The following ATP2B2 variants were observed in gnomAD, a reference collection of about 807,000 sequenced individuals.
The protein encoded by ATP2B2 is plasma membrane calcium-transporting ATPase 2.
In ATP2B2, 15 loss-of-function variants were observed where a neutral mutation model predicts 120.0. That is an observed-to-expected ratio of 0.12 (90% CI 0.08 to 0.19). ATP2B2 has a LOEUF of 0.19. Among genes scored for constraint, ATP2B2 ranks in the 10% least tolerant of loss-of-function variants. The probability of loss-of-function intolerance (pLI) is 1.00; values close to 1 mark genes in which losing one functional copy is unlikely to be tolerated. For synonymous variants in ATP2B2, 694 were observed against 700.3 expected (o/e 0.99, Z 0.14); for missense variants, 1,045 against 1,719.8 (o/e 0.61, Z 6.94).
chr3:10,466,894 G>A (rs1314547509), intron 1 of ATP2B2, among the ~76,000 whole-genome samples: 30 of 152,248 alleles, frequency 2.0e-4, no homozygotes, highest in Admixed American at 2.0e-3. Context: ...GGGTGACCGT[G>A]CAGCTCACAA....
At chr3:10,411,594 GCGGATGGTGATTGTA>G (rs2062613695) in intron 2 of ATP2B2, among the ~76,000 whole-genome samples, 1 of 152,186 alleles carries the variant, frequency 6.6e-6, no homozygotes, top group African/African-American at 2.4e-5. Context: ...CTACTGTAAT[GCGGATGGTGATTGTA>G]CTTAACCCAT....
chr3:10,438,767 T>G (rs2063556894), intron 2 of ATP2B2, among the ~76,000 whole-genome samples: 1 of 152,182 alleles, frequency 6.6e-6, no homozygotes, highest in Non-Finnish European at 1.5e-5. Flanking sequence ...TCGAGGCGTT[T>G]GTGGGACCCA....
At chr3:10,396,954 G>C (rs2062057829) in intron 5 of ATP2B2, among the ~76,000 whole-genome samples, 1 of 152,206 alleles carries the variant, frequency 6.6e-6, no homozygotes, top group Non-Finnish European at 1.5e-5. Context: ...GAATGGGGAA[G>C]GGAACCAACT....
At chr3:10,563,558 A>C (rs1024538854) in intron 2 of ATP2B2, among the ~76,000 whole-genome samples, 1 of 152,238 alleles carries the variant, frequency 6.6e-6, no homozygotes, top group African/African-American at 2.4e-5. Context: ...AGGGTGGGGA[A>C]GCCCAGAGGC....
intron 1 of ATP2B2, among the ~76,000 whole-genome samples, chr3:10,480,950 T>G (rs995337793): frequency 6.6e-6 from 1 of 152,226 alleles, no homozygotes; most frequent in African/African-American, 2.4e-5. Context: ...CCTCCCTCTC[T>G]TTATCTCACA....
At chr3:10,621,926 G>A (rs954472998) in intron 1 of ATP2B2, among the ~76,000 whole-genome samples, 5 of 152,318 alleles carry the variant, frequency 3.3e-5, no homozygotes, top group East Asian at 3.9e-4. Context: ...GCCCACACAC[G>A]CAGCGCCCCA....
intron 1 of ATP2B2, among the ~76,000 whole-genome samples, chr3:10,504,203 C>T (rs2066509813): frequency 6.6e-6 from 1 of 151,840 alleles, no homozygotes. Context: ...GCTGCAGCCC[C>T]TTCTTTGCCA....
chr3:10,440,683 A>G (rs561455261), intron 2 of ATP2B2, among the ~76,000 whole-genome samples: 3 of 152,312 alleles, frequency 2.0e-5, no homozygotes, highest in Non-Finnish European at 2.9e-5. Flanking sequence ...TTTGTCCCCA[A>G]TCAGGTGGGG....
At chr3:10,337,677 C>A (rs960242482) in intron 22 of ATP2B2, among the ~76,000 whole-genome samples, 4 of 152,080 alleles carry the variant, frequency 2.6e-5, no homozygotes, top group Non-Finnish European at 5.9e-5. Context: ...GACCTTTGCT[C>A]CCCAGAGCCT....
At chr3:10,612,443 C>A (rs1375237873) in intron 2 of ATP2B2, among the ~76,000 whole-genome samples, 4 of 152,114 alleles carry the variant, frequency 2.6e-5, no homozygotes, top group African/African-American at 9.7e-5. Flanking sequence ...GCCTGGGGAC[C>A]CCTGCGTACT....
At chr3:10,436,796 C>T (rs2063494000) in intron 2 of ATP2B2, among the ~76,000 whole-genome samples, 1 of 152,196 alleles carries the variant, frequency 6.6e-6, no homozygotes, top group Admixed American at 6.5e-5. Flanking sequence ...CAGAAACAGG[C>T]TGAGGAAAGA....
intron 1 of ATP2B2, among the ~76,000 whole-genome samples, chr3:10,701,197 C>T (rs141317498): frequency 1.3e-3 from 201 of 152,328 alleles, no homozygotes; most frequent in African/African-American, 4.7e-3. Flanking sequence ...CTCTTATCTA[C>T]TCCTGATGGC....
At chr3:10,705,540 A>G (rs2071882964) in intron 1 of ATP2B2, among the ~76,000 whole-genome samples, 1 of 152,160 alleles carries the variant, frequency 6.6e-6, no homozygotes, top group Non-Finnish European at 1.5e-5. Context: ...TACTGCCTAC[A>G]AGTCCTCTTG....
Position 10,523,942 on chromosome 3 carries a change from T to C in ATP2B2, c.-320+10097A>G, listed in dbSNP as rs564036099. Among the ~76,000 whole-genome samples, 4 of 152,322 alleles carry C rather than the reference T, an allele frequency of 2.6e-5. No homozygotes were observed. The East Asian group carries it at 7.7e-4, about 29-fold the overall frequency. ...GAGCAGCCCACTGAAAATACATTTG[T>C]TTGTTTTGCTCAGAGCTTAAAATAA... On this transcript the variant is annotated intron_variant, in intron 3 of 21. Transcript: ENST00000646379.
chr3:10,503,400 C>T (rs966569490), intron 1 of ATP2B2, among the ~76,000 whole-genome samples: 1 of 152,238 alleles, frequency 6.6e-6, no homozygotes, highest in Non-Finnish European at 1.5e-5. Flanking sequence ...TGAAGAACAT[C>T]AATAACCCAA....
intron 1 of ATP2B2, among the ~76,000 whole-genome samples, chr3:10,667,410 C>T (rs551049353): frequency 6.6e-6 from 1 of 152,212 alleles, no homozygotes; most frequent in South Asian, 2.1e-4. Context: ...CTGAGACTGC[C>T]CTTTCTTCAT....
intron 1 of ATP2B2, among the ~76,000 whole-genome samples, chr3:10,461,711 TCCTC>T (rs1244589609): frequency 6.6e-6 from 1 of 152,102 alleles, no homozygotes. Context: ...GGGCTCCTGT[TCCTC>T]CATCTCTAGG....
At position 10,338,266 on chromosome 3, in the gene ATP2B2, G is replaced by A. The variant is rs62640384; in HGVS notation, c.3330C>T (p.Asn1110=). The A allele has an allele frequency of 6.7e-4, 1,086 of 1,614,112 alleles. 3 individuals are homozygous for A. The African/African-American group carries it at 0.013, about 19-fold the overall frequency. ...CGTGGTCGATCTCCTCCACGTCCTC[G>A]TTGAGCTCCTCCTCCGGGATCTCCT... ...QKEEIPEEEL[N]EDVEEIDHAE... Residue 1110 remains asparagine (N), a synonymous_variant, in exon 22 of 23, where the codon AAC becomes AAT. Transcript: ENST00000360273.
chr3:10,673,738 G>A (rs73037818), intron 1 of ATP2B2, among the ~76,000 whole-genome samples: 121 of 139,962 alleles, frequency 8.6e-4, no homozygotes, highest in Non-Finnish European at 1.5e-3. Context: ...GCCTGGGAGG[G>A]TTAGGCTGCA....
Sources: allele counts gnomAD v4.1 joint callset (sites outside exome capture counted in the v4.1 genomes callset), GRCh38; gene constraint gnomAD v4.1.1; transcripts MANE v1.5; gene names NCBI Gene and HGNC (gene_info 2026-07-23, HGNC 2026-07-21).